Variants in AFAP1 observed in about 807,000 individuals in gnomAD.
AFAP1 encodes actin filament-associated protein 1.
A neutral mutation model predicts 93.9 loss-of-function variants in AFAP1; 75 were observed. The ratio of observed to expected loss-of-function variants is 0.80; its 90% confidence interval spans 0.66 to 0.97. The LOEUF (loss-of-function observed/expected upper bound fraction) is 0.97. Ranked by LOEUF, AFAP1 falls within the 50% of genes least tolerant of loss-of-function variation. The probability of loss-of-function intolerance (pLI) is 0.00; values close to 1 mark genes in which losing one functional copy is unlikely to be tolerated. For missense variants in AFAP1, 1,201 were observed against 1,050.8 expected (o/e 1.14, Z -1.98); for synonymous variants, 517 against 430.7 (o/e 1.20, Z -2.48).
intron 11 of AFAP1, among the ~76,000 whole-genome samples, chr4:7,787,427 C>A (rs1717404210): frequency 2.0e-5 from 3 of 152,194 alleles, no homozygotes; most frequent in Non-Finnish European, 4.4e-5. Flanking sequence ...TGGGAACCTC[C>A]AACTCACAAC....
At chr4:7,921,426 C>G (rs1406060701) in intron 1 of AFAP1, among the ~76,000 whole-genome samples, 1 of 152,024 alleles carries the variant, frequency 6.6e-6, no homozygotes, top group Non-Finnish European at 1.5e-5. Context: ...CTCAGGTGAT[C>G]CGCCTGTCTC....
chr4:7,828,261 C>T (rs989364577), intron 6 of AFAP1, among the ~76,000 whole-genome samples: 9 of 152,200 alleles, frequency 5.9e-5, no homozygotes, highest in African/African-American at 7.2e-5. Flanking sequence ...CCACGCCCCC[C>T]GGCTGGCTAT....
intron 1 of AFAP1, among the ~76,000 whole-genome samples, chr4:7,928,136 T>C (rs4696795): frequency 0.45 from 67,739 of 151,932 alleles, 17,356 homozygotes; most frequent in East Asian, 0.81. Context: ...GTAATAGCAA[T>C]GCATTCTTCA....
chr4:7,862,705 G>T (rs1715875181), intron 3 of AFAP1, among the ~76,000 whole-genome samples: 1 of 152,168 alleles, frequency 6.6e-6, no homozygotes, highest in African/African-American at 2.4e-5. Context: ...GAATTAAGTT[G>T]CTCCCTCTGC....
At chr4:7,922,256 A>G (rs1427332397) in intron 1 of AFAP1, among the ~76,000 whole-genome samples, 1 of 152,246 alleles carries the variant, frequency 6.6e-6, no homozygotes, top group Non-Finnish European at 1.5e-5. Flanking sequence ...CATATTTTCA[A>G]TGTAACTATG....
chr4:7,804,219 C>A (rs1408038389), intron 9 of AFAP1, among the ~76,000 whole-genome samples: 4 of 152,186 alleles, frequency 2.6e-5, no homozygotes, highest in Non-Finnish European at 5.9e-5. Flanking sequence ...CAGAGTGCAG[C>A]CAGGACGGGG....
At chr4:7,827,431 G>C (rs7672185) in intron 6 of AFAP1, among the ~76,000 whole-genome samples, 111,585 of 151,528 alleles carry the variant, frequency 0.74, 41,856 homozygotes, top group African/African-American at 0.86. Context: ...ATTAGCTGCA[G>C]GTGGTGGCAC....
intron 4 of AFAP1, among the ~76,000 whole-genome samples, chr4:7,855,225 T>A (rs1200550530): frequency 6.6e-6 from 1 of 152,330 alleles, no homozygotes; most frequent in South Asian, 2.1e-4. Flanking sequence ...GCCACAGCAA[T>A]AAGCTTTCAC....
At chr4:7,793,378 G>A (rs552930298) in intron 11 of AFAP1, among the ~76,000 whole-genome samples, 1 of 152,158 alleles carries the variant, frequency 6.6e-6, no homozygotes, top group Non-Finnish European at 1.5e-5. Context: ...ATTCGTTTAT[G>A]TACGGTGTCC....
At chr4:7,820,241 CT>C (rs1336592024) in intron 6 of AFAP1, among the ~76,000 whole-genome samples, 3 of 152,176 alleles carry the variant, frequency 2.0e-5, no homozygotes, top group Admixed American at 6.5e-5. Flanking sequence ...CTCCTGGATT[CT>C]TAGCAACTGG....
At chr4:7,903,716 A>G (rs1468772799) in intron 1 of AFAP1, among the ~76,000 whole-genome samples, 1 of 152,212 alleles carries the variant, frequency 6.6e-6, no homozygotes, top group Non-Finnish European at 1.5e-5. Context: ...TAAGCAGAGA[A>G]TAAGATACCA....
intron 2 of AFAP1, among the ~76,000 whole-genome samples, chr4:7,869,482 G>A (rs1716829019): frequency 6.6e-6 from 1 of 152,182 alleles, no homozygotes; most frequent in Non-Finnish European, 1.5e-5. Flanking sequence ...TAGACATACT[G>A]TATGGAAGAC....
At chr4:7,916,439 C>T (rs6839119) in intron 1 of AFAP1, among the ~76,000 whole-genome samples, 64,098 of 152,052 alleles carry the variant, frequency 0.42, 14,257 homozygotes, top group African/African-American at 0.57. Context: ...CAAAAAGCTT[C>T]CAGCCCCTGC....
chr4:7,774,026 A>G (rs922871713), intron 15 of AFAP1: 14 of 152,236 alleles, frequency 9.2e-5, no homozygotes, highest in Admixed American at 7.9e-4. Context: ...TACAATCTCA[A>G]TCTAAGGAGC....
At chr4:7,890,788 A>C (rs886988042) in intron 1 of AFAP1, among the ~76,000 whole-genome samples, 2 of 152,232 alleles carry the variant, frequency 1.3e-5, no homozygotes, top group African/African-American at 4.8e-5. Context: ...ATGACTCATC[A>C]TATCAAGCCT....
intron 1 of AFAP1, among the ~76,000 whole-genome samples, chr4:7,891,734 T>C (rs989177519): frequency 3.1e-5 from 4 of 129,036 alleles, no homozygotes; most frequent in African/African-American, 8.8e-5. Context: ...CTTATAAATA[T>C]GGTCTCATTA....
Position 7,758,742 on chromosome 4 carries a change from A to C in AFAP1, c.*5023T>G, listed in dbSNP as rs553003330. ...GGGAGAGAAGTTTATTCATACACAA[A>C]GGGGCACGCCAAGGGCGCCAGTCTA... On this transcript the variant is annotated 3_prime_UTR_variant, in exon 18 of 18. Transcript: ENST00000420658. 2.0e-5 allele frequency: 3 copies of C among 152,370 alleles called. No homozygotes were observed. The highest frequency in any genetic ancestry group is 2.0e-4 in the Admixed American group (3 of 15,302). 9.4% of individuals were successfully genotyped at this position (152,370 alleles called of 1,614,324 possible). A position where few individuals can be genotyped will look rare whatever the true frequency, so the allele number is the denominator to read the frequency against.
chr4:7,916,064 G>A (rs149542093), intron 1 of AFAP1, among the ~76,000 whole-genome samples: 3 of 152,204 alleles, frequency 2.0e-5, no homozygotes, highest in Non-Finnish European at 2.9e-5. Flanking sequence ...GCACTTCCTC[G>A]GCTGGCTTCA....
chr4:7,774,502 G>T, intron 15 of AFAP1: 1 of 528,808 alleles, frequency 1.9e-6, no homozygotes, highest in South Asian at 3.2e-5. Flanking sequence ...GCCTCGGTGA[G>T]CAGCGTGTGG....
Sources: gnomAD v4.1 joint callset for allele counts (sites outside exome capture counted in the v4.1 genomes callset) on GRCh38, gnomAD v4.1.1 for gene constraint, MANE v1.5 for transcripts, NCBI Gene and HGNC (gene_info 2026-07-23, HGNC 2026-07-21) for gene names.